Variants in DOCK9 observed in about 807,000 individuals in gnomAD.
The protein encoded by DOCK9 is dedicator of cytokinesis 9, also known as dedicator of cytokinesis protein 9.
Under a neutral mutation model 263.3 loss-of-function variants are expected in DOCK9, and 89 were observed. The observed-to-expected ratio is 0.34, with a 90% CI of 0.28 to 0.40. The LOEUF is 0.40. Ranked by LOEUF, DOCK9 falls within the 10% of genes least tolerant of loss-of-function variation. The probability of loss-of-function intolerance (pLI) is 1.00; values close to 1 mark genes in which losing one functional copy is unlikely to be tolerated. For missense variants in DOCK9, 2,140 were observed against 2,603.4 expected (o/e 0.82, Z 3.87); for synonymous variants, 976 against 973.1 (o/e 1.00, Z -0.06).
At chr13:98,860,870 G>C (rs1303134612) in intron 32 of DOCK9, among the ~76,000 whole-genome samples, 1 of 152,034 alleles carries the variant, frequency 6.6e-6, no homozygotes, top group African/African-American at 2.4e-5. Flanking sequence ...TTTTCCTTCA[G>C]AGAAAGCCTC....
At chr13:99,086,796 C>T (rs2042357995), upstream of DOCK9, among the ~76,000 whole-genome samples, 1 of 149,714 alleles carries the variant, frequency 6.7e-6, no homozygotes, top group African/African-American at 2.4e-5. Context: ...GGCGCTGGAG[C>T]TAGGCGGCCG....
rs2048819205 is a variant in DOCK9, at chr13:98,904,687, A to T, written c.980T>A (p.Ile327Asn). 2 of 1,556,352 alleles carry T rather than the reference A, an allele frequency of 1.3e-6. No homozygotes were observed. The highest frequency in any genetic ancestry group is 1.7e-6 in the Non-Finnish European group (2 of 1,148,884). ...GACTCTGCTTTCACTTTTCAGTTTG[A>T]TTTCTGCTTCTCTTGCACTCTGATA... ...ELAKSAREAEIKLKSESRVKL... is the reference protein window; with the variant it reads ...ELAKSAREAENKLKSESRVKL... Residue 327 changes from isoleucine (I) to asparagine (N), a missense_variant, in exon 10 of 53, where the codon ATC (isoleucine) becomes AAC (asparagine). Coordinates refer to ENST00000682017, the MANE Select transcript of DOCK9 (RefSeq NM_001366683.2).
chr13:99,024,637 C>T (rs1343351051), intron 1 of DOCK9, among the ~76,000 whole-genome samples: 4 of 152,124 alleles, frequency 2.6e-5, no homozygotes, highest in Non-Finnish European at 5.9e-5. Context: ...TATAGAAATG[C>T]TGTCTCAACA....
chr13:99,062,820 T>C (rs568039747), intron 1 of DOCK9, among the ~76,000 whole-genome samples: 7 of 152,318 alleles, frequency 4.6e-5, no homozygotes, highest in South Asian at 2.1e-4. Context: ...AAATATTCCA[T>C]TGGCAGGCAG....
At chr13:98,957,987 C>G (rs2058247020) in intron 1 of DOCK9, among the ~76,000 whole-genome samples, 1 of 152,194 alleles carries the variant, frequency 6.6e-6, no homozygotes, top group Non-Finnish European at 1.5e-5. Flanking sequence ...CTGGGTGCAG[C>G]CCCCTTGGCT....
At chr13:99,056,385 A>G (rs2040924730) in intron 1 of DOCK9, among the ~76,000 whole-genome samples, 1 of 152,236 alleles carries the variant, frequency 6.6e-6, no homozygotes, top group Non-Finnish European at 1.5e-5. Flanking sequence ...AACATTATCA[A>G]AGTAAGGTTA....
chr13:98,887,157 T>A (rs866446237), intron 18 of DOCK9, among the ~76,000 whole-genome samples: 1,155 of 36,482 alleles, frequency 0.032, 10 homozygotes, highest in Admixed American at 0.046. Context: ...TTTTTTTTTT[T>A]TTTTTTTTTT....
intron 1 of DOCK9, among the ~76,000 whole-genome samples, chr13:99,016,512 G>C (rs1023451657): frequency 6.6e-6 from 1 of 152,214 alleles, no homozygotes; most frequent in Non-Finnish European, 1.5e-5. Flanking sequence ...ACTCCAGTAT[G>C]CAATGGGAAA....
chr13:98,962,101 T>G (rs1193046610), intron 1 of DOCK9, among the ~76,000 whole-genome samples: 2 of 152,294 alleles, frequency 1.3e-5, no homozygotes, highest in South Asian at 2.1e-4. Flanking sequence ...AAATTTGGAC[T>G]AATCATGCCA....
chr13:99,086,654 C>T (rs542685547), upstream of DOCK9: 6 of 146,912 alleles, frequency 4.1e-5, no homozygotes, highest in Non-Finnish European at 7.6e-5. Context: ...CACCAGCCTC[C>T]CTCGGCGACC....
At chr13:98,816,641 G>A (rs574501782) in intron 45 of DOCK9, among the ~76,000 whole-genome samples, 6 of 151,856 alleles carry the variant, frequency 4.0e-5, no homozygotes, top group African/African-American at 1.4e-4. Context: ...GCATCTGTCC[G>A]GCCACAAGGG....
intron 1 of DOCK9, among the ~76,000 whole-genome samples, chr13:99,046,871 C>A (rs2040457769): frequency 6.6e-6 from 1 of 152,186 alleles, no homozygotes; most frequent in East Asian, 1.9e-4. Flanking sequence ...CAAAGTGTAG[C>A]TTTGGATAGG....
chr13:98,996,851 TG>T (rs1267304245), intron 1 of DOCK9, among the ~76,000 whole-genome samples: 2 of 152,258 alleles, frequency 1.3e-5, no homozygotes, highest in Non-Finnish European at 2.9e-5. Flanking sequence ...TATAATAACT[TG>T]GAAGTAAGTT....
chr13:98,898,314 GT>G, intron 13 of DOCK9, 53 bp from the exon 14 acceptor site: 2 of 1,412,864 alleles, frequency 1.4e-6, no homozygotes, highest in South Asian at 2.4e-5. Flanking sequence ...TGAAAGAACT[GT>G]GACCTCAAGA....
chr13:99,032,322 A>T lies in DOCK9; in HGVS notation c.129+53901T>A, dbSNP rs532171882. 3.3e-5 allele frequency among the ~76,000 whole-genome samples: 5 copies of T among 152,184 alleles called. No individual in the cohort carries two copies. The East Asian group carries it at 9.7e-4, about 29-fold the overall frequency. On this transcript the variant is annotated intron_variant, in intron 1 of 32. Transcript: ENST00000427887. ...CCTGTCTCTACTAAAAATACAAAAA[A>T]AAAATTAGCCAGAAGTGGCGGCGTG...
At chr13:98,953,772 G>A (rs1246659505) in intron 2 of DOCK9, among the ~76,000 whole-genome samples, 2 of 152,230 alleles carry the variant, frequency 1.3e-5, no homozygotes, top group Non-Finnish European at 2.9e-5. Flanking sequence ...CCGTTCCCAT[G>A]CAGTTTAGTC....
At position 98,829,686 on chromosome 13, in the gene DOCK9, A is replaced by G. The variant is rs2092684563; in HGVS notation, c.4706T>C (p.Leu1569Pro). The G allele has an allele frequency of 6.2e-7, 1 of 1,610,168 alleles. No homozygotes were observed. The highest frequency in any genetic ancestry group is 2.2e-5 in the East Asian group (1 of 44,818). Residue 1569 changes from leucine to proline, a missense_variant, in exon 42 of 53, where the codon CTG becomes CCG. By Grantham distance (98) the Leu-to-Pro change is moderately conservative. Coordinates refer to ENST00000682017, the MANE Select transcript of DOCK9 (RefSeq NM_001366683.2). The surrounding 1 kb of genome is among the most constrained non-coding windows in gnomAD (Gnocchi z 4.1). ...GTTGGCACAGTTGTTGATGATGGACAGGGACTGCTGGAATCTGGTTCCCCC... is the reference window on the plus strand; with the variant it reads ...GTTGGCACAGTTGTTGATGATGGACGGGGACTGCTGGAATCTGGTTCCCCC... Reference protein sequence around the residue: ...GIGGTRFQQSLSIINNCANSD... With the variant: ...GIGGTRFQQSPSIINNCANSD...
chr13:98,845,881 C>A, intron 38 of DOCK9, 43 bp downstream of exon 38: 1 of 1,605,496 alleles, frequency 6.2e-7, no homozygotes. Flanking sequence ...TGAGATGGCA[C>A]ATGAGATGGC....
upstream of DOCK9, among the ~76,000 whole-genome samples, chr13:99,087,028 C>T (rs139783728): frequency 1.2e-4 from 19 of 152,224 alleles, no homozygotes; most frequent in African/African-American, 4.6e-4. Flanking sequence ...CCGGCAGGGT[C>T]GGAGCTCGGT....
Sources: gnomAD v4.1 joint callset for allele counts (sites outside exome capture counted in the v4.1 genomes callset) on GRCh38, gnomAD v4.1.1 for gene constraint, Gnocchi (gnomAD v3.1) non-coding constraint, MANE v1.5 for transcripts, NCBI Gene and HGNC (gene_info 2026-07-23, HGNC 2026-07-21) for gene names.